GOLM2: variants seen among roughly 807,000 people sequenced by gnomAD.
GOLM2 encodes protein GOLM2.
In GOLM2, 26 loss-of-function variants were observed where a neutral mutation model predicts 55.9. The ratio of observed to expected loss-of-function variants is 0.47; its 90% confidence interval spans 0.34 to 0.65. The LOEUF is 0.65. GOLM2 is among the 30% of genes least tolerant of loss of function. GOLM2 has a pLI of 0.01. For missense variants in GOLM2, 486 were observed against 531.8 expected (o/e 0.91, Z 0.85); for synonymous variants, 165 against 194.6 (o/e 0.85, Z 1.27).
At chr15:44,346,964 G>GA (rs375196688) in intron 6 of GOLM2, among the ~76,000 whole-genome samples, 2,817 of 145,316 alleles carry the variant, frequency 0.019, 27 homozygotes, top group Non-Finnish European at 0.025. Context: ...CATATCTTAG[G>GA]AAAAAAAAAA....
intron 2 of GOLM2, among the ~76,000 whole-genome samples, chr15:44,325,674 G>C (rs1481113372): frequency 6.6e-6 from 1 of 152,172 alleles, no homozygotes; most frequent in Non-Finnish European, 1.5e-5. Flanking sequence ...TTCAGTTCTA[G>C]AAACTATCCA....
At chr15:44,353,501 G>A (rs1314309351) in intron 6 of GOLM2, among the ~76,000 whole-genome samples, 2 of 152,086 alleles carry the variant, frequency 1.3e-5, no homozygotes, top group Non-Finnish European at 1.5e-5. Context: ...TGCACTATTC[G>A]CAGTAGCCAG....
chr15:44,292,360 C>A (rs1000227066), intron 1 of GOLM2, among the ~76,000 whole-genome samples: 3 of 151,626 alleles, frequency 2.0e-5, no homozygotes, highest in Non-Finnish European at 4.4e-5. Flanking sequence ...CCATGCCCGG[C>A]TAATTTTTTG....
rs1160617259 is a variant in GOLM2 at position 44,322,927 on chromosome 15, A to G, written c.328-38A>G. 7.0e-6 allele frequency: 10 copies of G among 1,423,938 alleles called. No individual in the cohort carries two copies. In the South Asian group the frequency reaches 9.2e-5, roughly 13 times the overall value. 88.2% of individuals were successfully genotyped at this position (1,423,938 alleles called of 1,614,324 possible). On this transcript the variant is annotated intron_variant, in intron 1 of 9. Transcript: ENST00000299957. ...GAACCAAAAAAATGAACAAAACTAC[A>G]TATTTTTTAGTAAAATGAGAACTTA...
intron 8 of GOLM2, among the ~76,000 whole-genome samples, chr15:44,383,702 G>C (rs1337271547): frequency 2.4e-5 from 3 of 127,448 alleles, no homozygotes. Flanking sequence ...TTGAGACAAC[G>C]TCTCACTCTA....
intron 6 of GOLM2, among the ~76,000 whole-genome samples, chr15:44,366,296 C>CAAAAAAAAAAAAA (rs34413737): frequency 1.8e-5 from 1 of 55,494 alleles, no homozygotes; most frequent in African/African-American, 6.8e-5. Flanking sequence ...GACTCCGTCT[C>CAAAAAAAAAAAAA]AAAAAAAAAA....
intron 6 of GOLM2, among the ~76,000 whole-genome samples, chr15:44,354,462 A>AAAAT (rs1034688832): frequency 6.6e-6 from 1 of 151,960 alleles, no homozygotes; most frequent in Non-Finnish European, 1.5e-5. Context: ...TAATAAAATA[A>AAAAT]AAATAAATAA....
Position 44,343,822 on chromosome 15 carries a change from T to C in GOLM2, c.802+5505T>C, listed in dbSNP as rs747094451. On this transcript the variant is annotated intron_variant, in intron 6 of 9. Transcript: ENST00000299957. ...CTGAACAACAGAGTGAGACTCTGTC[T>C]CAAAAAAAAAAAAAAAGAAAAAAAT... is the stretch of plus-strand genomic sequence containing the variant. Among the ~76,000 whole-genome samples, 652 of 129,738 alleles carry C rather than the reference T, an allele frequency of 5.0e-3. 4 individuals are homozygous for C. The highest frequency in any genetic ancestry group is 0.018 in the African/African-American group (620 of 34,810). The allele number at this position is 129,738 out of a possible 152,430, so 85.1% of individuals were successfully genotyped here. A position where few individuals can be genotyped will look rare whatever the true frequency, so the allele number is the denominator to read the frequency against.
chr15:44,409,187 G>C (rs1350204955), intron 9 of GOLM2, among the ~76,000 whole-genome samples: 1 of 151,280 alleles, frequency 6.6e-6, no homozygotes, highest in East Asian at 1.9e-4. Context: ...GGGAGGCTGA[G>C]GCAGGAGAAT....
chr15:44,377,998 A>G (rs1049860468), intron 6 of GOLM2, among the ~76,000 whole-genome samples: 1 of 150,308 alleles, frequency 6.7e-6, no homozygotes, highest in Non-Finnish European at 1.5e-5. Flanking sequence ...CTATAGGAAC[A>G]TGTTATTAAG....
chr15:44,346,731 A>T (rs2079127230), intron 6 of GOLM2, among the ~76,000 whole-genome samples: 1 of 152,206 alleles, frequency 6.6e-6, no homozygotes, highest in Non-Finnish European at 1.5e-5. Context: ...GAAGATTAGG[A>T]CAGGGATGAA....
Sources: allele counts gnomAD v4.1 joint callset (sites outside exome capture counted in the v4.1 genomes callset), GRCh38; gene constraint gnomAD v4.1.1; transcripts MANE v1.5; gene names NCBI Gene and HGNC (gene_info 2026-07-23, HGNC 2026-07-21).